The following GPC6 variants were observed in gnomAD, a reference collection of about 807,000 sequenced individuals.
GPC6 encodes the protein glypican-6.
Under a neutral mutation model 55.2 loss-of-function variants are expected in GPC6, and 14 were observed. That is an observed-to-expected ratio of 0.25 (90% CI 0.17 to 0.40). The LOEUF is 0.40. GPC6 is among the 10% of genes least tolerant of loss of function. The pLI is 1.00. For missense variants in GPC6, 641 were observed against 708.5 expected, an observed-to-expected ratio of 0.90 and a Z score of 1.08; for synonymous variants, 278 against 259.6, an observed-to-expected ratio of 1.07 and a Z score of -0.68.
Position 93,742,760 on chromosome 13 carries a change from T to C in GPC6, c.320-87394T>C, listed in dbSNP as rs535613681. On this transcript the variant is annotated intron_variant, in intron 2 of 8. Coordinates refer to ENST00000377047, the MANE Select transcript of GPC6 (RefSeq NM_005708.5). ...TAATGATGACAGACTTGGAGAAAAT[T>C]AATAAAATGGTGACAGAATCAATAT... Among the ~76,000 whole-genome samples, 37 of 152,286 alleles carry C rather than the reference T, an allele frequency of 2.4e-4. 1 individual carries two copies. Among genetic ancestry groups the C allele is most frequent in the African/African-American group, 8.9e-4 (37 of 41,564 alleles).
intron 1 of GPC6, among the ~76,000 whole-genome samples, chr13:93,467,918 C>T (rs1476802214): frequency 6.6e-6 from 1 of 152,038 alleles, no homozygotes; most frequent in Non-Finnish European, 1.5e-5. Flanking sequence ...CTGTAACCTT[C>T]TAAGTGTTTG....
chr13:93,810,728 A>C (rs944150957), intron 2 of GPC6, among the ~76,000 whole-genome samples: 1 of 152,226 alleles, frequency 6.6e-6, no homozygotes, highest in Non-Finnish European at 1.5e-5. Context: ...AGTATTGTGG[A>C]ATATTTTGCT....
chr13:94,272,753 A>G (rs553366227), intron 4 of GPC6, among the ~76,000 whole-genome samples: 1 of 151,850 alleles, frequency 6.6e-6, no homozygotes, highest in Non-Finnish European at 1.5e-5. Flanking sequence ...CAGGCATGAG[A>G]CACCACGCCT....
intron 1 of GPC6, among the ~76,000 whole-genome samples, chr13:93,301,738 T>C (rs922747993): frequency 5.9e-5 from 9 of 152,328 alleles, no homozygotes; most frequent in African/African-American, 1.9e-4. Context: ...CAGTTCCTAC[T>C]TCTCCAGCCT....
rs1452290682 is a variant in GPC6, at chr13:93,880,949, C to G, written c.711+50404C>G. Among the ~76,000 whole-genome samples, 7 of 151,040 alleles carry G rather than the reference C, an allele frequency of 4.6e-5. No individual in the cohort carries two copies. The South Asian group carries it at 6.3e-4, about 13-fold the overall frequency. On this transcript the variant is annotated intron_variant, in intron 3 of 8. Transcript: ENST00000377047. ...TTCAACCATAAAAAGGAAAGAATTT[C>G]AAAAAGGAAGAGGTCAACAGTATAA... is the stretch of plus-strand genomic sequence containing the variant.
intron 3 of GPC6, chr13:93,835,936 A>G (rs1436607759): frequency 6.6e-6 from 1 of 152,156 alleles, no homozygotes; most frequent in African/African-American, 2.4e-5. Context: ...AAATACTGTC[A>G]ACTATCTCTC....
chr13:93,887,832 A>T (rs1015851572), intron 3 of GPC6, among the ~76,000 whole-genome samples: 1 of 152,170 alleles, frequency 6.6e-6, no homozygotes, highest in Non-Finnish European at 1.5e-5. Context: ...TTCCAGAGGT[A>T]GCAAAATTTT....
chr13:94,012,139 A>G (rs1882271142), intron 3 of GPC6, among the ~76,000 whole-genome samples: 1 of 152,218 alleles, frequency 6.6e-6, no homozygotes, highest in African/African-American at 2.4e-5. Context: ...CTTCATGCCC[A>G]TGGAAGTTTC....
intron 1 of GPC6, among the ~76,000 whole-genome samples, chr13:93,268,802 T>C (rs888700150): frequency 2.6e-5 from 4 of 151,998 alleles, no homozygotes; most frequent in Admixed American, 6.6e-5. Context: ...AACCTTCCAC[T>C]CCCAATCTGC....
chr13:94,035,163 G>A (rs181956015), intron 4 of GPC6, among the ~76,000 whole-genome samples: 201 of 151,962 alleles, frequency 1.3e-3, no homozygotes, highest in Non-Finnish European at 2.5e-3. Context: ...TATATAAAAC[G>A]TACTTGTTTT....
At chr13:94,220,606 A>T (rs925359536) in intron 4 of GPC6, among the ~76,000 whole-genome samples, 1 of 152,116 alleles carries the variant, frequency 6.6e-6, no homozygotes, top group Non-Finnish European at 1.5e-5. Context: ...ATTGTCTCAT[A>T]GTCCTGGAAA....
intron 4 of GPC6, among the ~76,000 whole-genome samples, chr13:94,153,196 C>A (rs1887806624): frequency 6.6e-6 from 1 of 152,064 alleles, no homozygotes; most frequent in Non-Finnish European, 1.5e-5. Context: ...AGATTGCCCC[C>A]ACTTCTTCCA....
At chr13:93,673,732 A>C (rs112070187) in intron 2 of GPC6, among the ~76,000 whole-genome samples, 2,326 of 152,270 alleles carry the variant, frequency 0.015, 72 homozygotes, top group African/African-American at 0.053. Flanking sequence ...ATGTTCCCCA[A>C]GTTATCTATA....
At chr13:93,450,467 GTTGTCATTCAACAAGTGTA>G (rs757017788) in intron 1 of GPC6, among the ~76,000 whole-genome samples, 11 of 152,168 alleles carry the variant, frequency 7.2e-5, no homozygotes, top group Non-Finnish European at 1.5e-4. Flanking sequence ...AAGGAAAGTT[GTTGTCATTCAACAAGTGTA>G]AACTTAGAAA....
chr13:93,860,586 A>G (rs1035966587), intron 3 of GPC6, among the ~76,000 whole-genome samples: 1 of 151,634 alleles, frequency 6.6e-6, no homozygotes, highest in Non-Finnish European at 1.5e-5. Flanking sequence ...AGAATGTCTC[A>G]GCATCATCCT....
chr13:94,134,367 T>G (rs1887109030), intron 4 of GPC6, among the ~76,000 whole-genome samples: 1 of 152,202 alleles, frequency 6.6e-6, no homozygotes, highest in African/African-American at 2.4e-5. Context: ...ACTGTACTAT[T>G]CTGTCTCTTG....
chr13:94,368,415 T>C (rs1879381328), intron 6 of GPC6, among the ~76,000 whole-genome samples: 2 of 152,108 alleles, frequency 1.3e-5, no homozygotes, highest in African/African-American at 4.8e-5. Context: ...AAAGAAAACA[T>C]GTTATTAGTA....
chr13:93,697,445 C>A (rs750752939), intron 2 of GPC6, among the ~76,000 whole-genome samples: 1 of 152,150 alleles, frequency 6.6e-6, no homozygotes, highest in Non-Finnish European at 1.5e-5. Flanking sequence ...TTACTACTAT[C>A]CAACTTAATT....
intron 6 of GPC6, among the ~76,000 whole-genome samples, chr13:94,345,640 G>A (rs1878250114): frequency 6.6e-6 from 1 of 152,204 alleles, no homozygotes; most frequent in Non-Finnish European, 1.5e-5. Flanking sequence ...GGCAGACCCA[G>A]CTCTGGGAAT....
Sources: allele counts gnomAD v4.1 joint callset (sites outside exome capture counted in the v4.1 genomes callset), GRCh38; gene constraint gnomAD v4.1.1; transcripts MANE v1.5; gene names NCBI Gene and HGNC (gene_info 2026-07-23, HGNC 2026-07-21).